The following C1QTNF3 variants were observed in gnomAD, a reference collection of about 807,000 sequenced individuals.
C1QTNF3 encodes complement C1q tumor necrosis factor-related protein 3.
Under a neutral mutation model 32.6 loss-of-function variants are expected in C1QTNF3, and 26 were observed. That is an observed-to-expected ratio of 0.80 (90% CI 0.58 to 1.11). C1QTNF3 has a LOEUF of 1.11. Among genes scored for constraint, C1QTNF3 ranks in the 50% least tolerant of loss-of-function variants. The pLI, the probability that C1QTNF3 is intolerant of heterozygous loss-of-function variation, is 0.00. For synonymous variants in C1QTNF3, 155 were observed against 146.0 expected (o/e 1.06, Z -0.44); for missense variants, 362 against 398.2 (o/e 0.91, Z 0.77).
chr5:34,178,232 G>T, the C1QTNF3 span, among the ~76,000 whole-genome samples: 14 of 151,910 alleles, frequency 9.2e-5, no homozygotes, highest in African/African-American at 2.4e-4. Context: ...AGTGAGTCAA[G>T]ATTGCACCAC....
At chr5:34,171,280 G>C in the C1QTNF3 span, among the ~76,000 whole-genome samples, 2 of 151,262 alleles carry the variant, frequency 1.3e-5, no homozygotes, top group Non-Finnish European at 2.9e-5. Context: ...TTTTCAGCAA[G>C]TTTATAAATC....
chr5:34,159,447 A>C, the C1QTNF3 span, among the ~76,000 whole-genome samples: 91 of 152,248 alleles, frequency 6.0e-4, 2 homozygotes, highest in African/African-American at 2.1e-3. Flanking sequence ...TCTAAAAATT[A>C]TGACGAGCTG....
chr5:34,162,706 GT>G, the C1QTNF3 span, among the ~76,000 whole-genome samples: 1 of 152,154 alleles, frequency 6.6e-6, no homozygotes, highest in Non-Finnish European at 1.5e-5. Context: ...GCTTGTAATG[GT>G]TTATCTGAGC....
chr5:34,202,983 ACTG>A, the C1QTNF3 span, among the ~76,000 whole-genome samples: 1 of 152,196 alleles, frequency 6.6e-6, no homozygotes, highest in Non-Finnish European at 1.5e-5. Context: ...GACATAACTC[ACTG>A]CTAATTTTCT....
chr5:34,048,124 A>G (rs1385980796), upstream of C1QTNF3, among the ~76,000 whole-genome samples: 2 of 152,228 alleles, frequency 1.3e-5, no homozygotes, highest in African/African-American at 4.8e-5. Flanking sequence ...ATCTTAATGT[A>G]TTCATTTATA....
chr5:34,086,083 T>A, the C1QTNF3 span, among the ~76,000 whole-genome samples: 1 of 149,654 alleles, frequency 6.7e-6, no homozygotes, highest in Non-Finnish European at 1.5e-5. Context: ...ATGTGGCACA[T>A]ATACACCATG....
the C1QTNF3 span, among the ~76,000 whole-genome samples, chr5:34,088,841 T>C: frequency 2.0e-5 from 3 of 152,148 alleles, no homozygotes; most frequent in Non-Finnish European, 4.4e-5. Flanking sequence ...CTTTTCTTCA[T>C]ATACTAAATG....
rs1317903635 is a variant in C1QTNF3, at chr5:34,020,249, A to C, written c.*334T>G. ...TGAAAACTGGTATTAAATTAAAAGC[A>C]GAGTAGTCAAAATTCTTTGCAAATG... is the stretch of plus-strand genomic sequence containing the variant. On this transcript the variant is annotated 3_prime_UTR_variant, in exon 6 of 6. Transcript: ENST00000382065. 1.5e-5 allele frequency: 3 copies of C among 205,598 alleles called. No homozygotes were observed. Among genetic ancestry groups the C allele is most frequent in the Non-Finnish European group, 3.0e-5 (3 of 100,682 alleles). The allele number at this position is 205,598 out of a possible 1,614,324, so 12.7% of individuals were successfully genotyped here.
the C1QTNF3 span, among the ~76,000 whole-genome samples, chr5:34,183,400 G>A: frequency 5.4e-5 from 6 of 111,114 alleles, no homozygotes; most frequent in Admixed American, 1.5e-4. Context: ...CTGCGATCCT[G>A]ACTCACTGCA....
the C1QTNF3 span, among the ~76,000 whole-genome samples, chr5:34,171,824 A>G: frequency 1.3e-5 from 2 of 152,208 alleles, no homozygotes; most frequent in Non-Finnish European, 2.9e-5. Context: ...ATGATTGATA[A>G]CATTTGTATT....
At chr5:34,105,658 T>C in the C1QTNF3 span, 1 of 152,120 alleles carries the variant, frequency 6.6e-6, no homozygotes, top group African/African-American at 2.4e-5. Flanking sequence ...TTTCTTTCAA[T>C]TTCATGGGTA....
the C1QTNF3 span, among the ~76,000 whole-genome samples, chr5:34,048,255 C>A: frequency 7.0e-6 from 1 of 141,946 alleles, no homozygotes. Flanking sequence ...GTGTGTTAAG[C>A]ATGGTAGTGT....
the C1QTNF3 span, among the ~76,000 whole-genome samples, chr5:34,095,966 A>C: frequency 6.6e-6 from 1 of 151,836 alleles, no homozygotes; most frequent in African/African-American, 2.4e-5. Context: ...CATCTCAAGC[A>C]CAGAAGAAAA....
upstream of C1QTNF3, among the ~76,000 whole-genome samples, chr5:34,044,471 A>T (rs979470797): frequency 3.1e-4 from 47 of 152,144 alleles, no homozygotes; most frequent in African/African-American, 1.1e-3. Flanking sequence ...GCTGATGAAG[A>T]GTCAGAGCAG....
chr5:34,160,068 AG>A, the C1QTNF3 span, among the ~76,000 whole-genome samples: 7 of 152,250 alleles, frequency 4.6e-5, no homozygotes, highest in Admixed American at 4.6e-4. Context: ...TATAGGGTAT[AG>A]AGTTCATTAG....
At chr5:34,073,760 A>T in the C1QTNF3 span, among the ~76,000 whole-genome samples, 1 of 152,128 alleles carries the variant, frequency 6.6e-6, no homozygotes, top group Non-Finnish European at 1.5e-5. Context: ...AAGCTCAGAA[A>T]GTAGTGCATA....
the C1QTNF3 span, chr5:34,124,497 G>C: frequency 1.4e-6 from 1 of 713,432 alleles, no homozygotes; most frequent in Non-Finnish European, 2.6e-6. Context: ...ATGAGACCAG[G>C]AGCAAGAGAG....
the C1QTNF3 span, among the ~76,000 whole-genome samples, chr5:34,111,085 T>C: frequency 1.3e-5 from 2 of 152,218 alleles, no homozygotes; most frequent in African/African-American, 2.4e-5. Flanking sequence ...ATTTTGATGA[T>C]GGCTCTTGAA....
At chr5:34,063,521 G>C in the C1QTNF3 span, among the ~76,000 whole-genome samples, 339 of 152,186 alleles carry the variant, frequency 2.2e-3, no homozygotes, top group African/African-American at 7.9e-3. Flanking sequence ...GTACTGGTGG[G>C]GGGGCTGGGG....
Sources: gnomAD v4.1 joint callset for allele counts (sites outside exome capture counted in the v4.1 genomes callset) on GRCh38, gnomAD v4.1.1 for gene constraint, MANE v1.5 for transcripts, NCBI Gene and HGNC (gene_info 2026-07-23, HGNC 2026-07-21) for gene names.